Variants in PVT1 observed in about 807,000 individuals in gnomAD.
The protein encoded by PVT1 is CXCR4/PVT1 fusion.
chr8:128,022,618 A>G (rs1817451201), intron 4 of PVT1, among the ~76,000 whole-genome samples: 1 of 152,198 alleles, frequency 6.6e-6, no homozygotes. Flanking sequence ...TGTACCCATG[A>G]TATCTGATGG....
chr8:127,877,889 G>T (rs913189751), intron 2 of PVT1, among the ~76,000 whole-genome samples: 8 of 152,204 alleles, frequency 5.3e-5, no homozygotes, highest in African/African-American at 1.9e-4. Context: ...TCACGCCACT[G>T]CACTCCAGCC....
chr8:127,903,756 G>A (rs1815787463), intron 3 of PVT1, among the ~76,000 whole-genome samples: 1 of 152,118 alleles, frequency 6.6e-6, no homozygotes, highest in Non-Finnish European at 1.5e-5. Context: ...TTTATTTCTG[G>A]ATTCTCTATT....
At chr8:128,045,593 T>C (rs2130096123) in intron 4 of PVT1, among the ~76,000 whole-genome samples, 1 of 152,326 alleles carries the variant, frequency 6.6e-6, no homozygotes, top group East Asian at 1.9e-4. Context: ...TGGCTGTATT[T>C]GTTGGTATTT....
At chr8:127,844,692 G>T (rs1211017460) in intron 2 of PVT1, among the ~76,000 whole-genome samples, 3 of 146,836 alleles carry the variant, frequency 2.0e-5, no homozygotes, top group African/African-American at 2.5e-5. Flanking sequence ...ATGGAGGTGT[G>T]TTTTTTTTTT....
chr8:127,944,526 A>C (rs1816396297), intron 3 of PVT1, among the ~76,000 whole-genome samples: 1 of 149,102 alleles, frequency 6.7e-6, no homozygotes, highest in Non-Finnish European at 1.5e-5. Flanking sequence ...GCCCTCCTTT[A>C]TTTGAATCCC....
intron 2 of PVT1, among the ~76,000 whole-genome samples, chr8:127,824,391 C>G (rs1224122038): frequency 6.6e-6 from 1 of 152,136 alleles, no homozygotes; most frequent in Non-Finnish European, 1.5e-5. Flanking sequence ...CTCCTGGGCT[C>G]AAGTGATCTG....
At chr8:127,819,336 T>C (rs762741608) in intron 2 of PVT1, among the ~76,000 whole-genome samples, 17 of 152,218 alleles carry the variant, frequency 1.1e-4, no homozygotes, top group Non-Finnish European at 2.1e-4. Flanking sequence ...AGTGAGCTTG[T>C]AGATAGCTCT....
intron 4 of PVT1, among the ~76,000 whole-genome samples, chr8:128,058,733 G>A (rs1323502631): frequency 3.3e-5 from 5 of 152,110 alleles, no homozygotes; most frequent in Non-Finnish European, 7.4e-5. Flanking sequence ...CTGAAACAAG[G>A]GCTGGTTAGG....
chr8:127,902,643 G>A (rs1213032584), intron 3 of PVT1, among the ~76,000 whole-genome samples: 2 of 151,928 alleles, frequency 1.3e-5, no homozygotes, highest in African/African-American at 2.4e-5. Context: ...ATGCCCATGT[G>A]TACCCAATGT....
chr8:128,048,766 G>A (rs1230135027), intron 4 of PVT1, among the ~76,000 whole-genome samples: 2 of 152,364 alleles, frequency 1.3e-5, no homozygotes, highest in East Asian at 3.9e-4. Context: ...AAATGTGATA[G>A]CATAAGTGAA....
intron 2 of PVT1, among the ~76,000 whole-genome samples, chr8:127,880,093 C>T (rs1394184069): frequency 2.0e-5 from 3 of 151,684 alleles, no homozygotes; most frequent in Non-Finnish European, 4.4e-5. Context: ...CCCGCCAGGG[C>T]AACCTGGTTA....
chr8:127,853,517 G>A (rs532344817), intron 2 of PVT1, among the ~76,000 whole-genome samples: 15 of 152,112 alleles, frequency 9.9e-5, no homozygotes, highest in East Asian at 7.8e-4. Context: ...GTGATGGCTC[G>A]AGCCTGTAAT....
At chr8:128,018,080 T>C (rs1817394003) in intron 4 of PVT1, among the ~76,000 whole-genome samples, 1 of 152,180 alleles carries the variant, frequency 6.6e-6, no homozygotes, top group Non-Finnish European at 1.5e-5. Flanking sequence ...CCAAAATAGC[T>C]TCAATCTCCT....
At chr8:127,934,894 A>T (rs1816253900) in intron 3 of PVT1, among the ~76,000 whole-genome samples, 1 of 152,138 alleles carries the variant, frequency 6.6e-6, no homozygotes, top group Admixed American at 6.6e-5. Context: ...GTTGGGCTAG[A>T]AACAATATCG....
chr8:128,011,571 G>A (rs1817315205), intron 4 of PVT1, among the ~76,000 whole-genome samples: 1 of 152,160 alleles, frequency 6.6e-6, no homozygotes, highest in Non-Finnish European at 1.5e-5. Context: ...GTAGTCTTCA[G>A]AACTGTAAGA....
chr8:127,813,454 T>A (rs1234875447), intron 2 of PVT1, among the ~76,000 whole-genome samples: 2 of 151,966 alleles, frequency 1.3e-5, no homozygotes, highest in Non-Finnish European at 2.9e-5. Flanking sequence ...CTGGTTGTAT[T>A]TGTAAATGCC....
chr8:127,981,203 G>C (rs1221874679), intron 3 of PVT1, among the ~76,000 whole-genome samples: 1 of 152,216 alleles, frequency 6.6e-6, no homozygotes, highest in Non-Finnish European at 1.5e-5. Flanking sequence ...GATGGAATCA[G>C]TGAATTTTAG....
chr8:127,867,349 C>G (rs1057005020), intron 2 of PVT1, among the ~76,000 whole-genome samples: 1 of 152,230 alleles, frequency 6.6e-6, no homozygotes, highest in Non-Finnish European at 1.5e-5. Flanking sequence ...TGGAACACCC[C>G]CATTTACTCC....
intron 3 of PVT1, among the ~76,000 whole-genome samples, chr8:127,907,905 C>T (rs1165017952): frequency 6.6e-6 from 1 of 152,110 alleles, no homozygotes; most frequent in African/African-American, 2.4e-5. Context: ...GAAAGGAGCA[C>T]ATTCCACACC....
Sources: allele counts gnomAD v4.1 joint callset (sites outside exome capture counted in the v4.1 genomes callset), GRCh38; gene constraint gnomAD v4.1.1; transcripts MANE v1.5; gene names NCBI Gene and HGNC (gene_info 2026-07-23, HGNC 2026-07-21).